The following KCNJ2 variants were observed in gnomAD, a reference collection of about 807,000 sequenced individuals.
KCNJ2 encodes inward rectifier potassium channel 2.
A neutral mutation model predicts 28.4 loss-of-function variants in KCNJ2; 12 were observed. The ratio of observed to expected loss-of-function variants is 0.42; its 90% CI spans 0.27 to 0.68. The LOEUF is 0.68. KCNJ2 is among the 30% of genes least tolerant of loss of function. The pLI is 0.23. For missense variants in KCNJ2, 320 were observed against 551.3 expected (o/e 0.58, Z 4.20); for synonymous variants, 200 against 203.2 (o/e 0.98, Z 0.13).
rs2074413706 is a variant in KCNJ2 at position 70,179,169 on chromosome 17, T to C, written c.*2846T>C. 1 of 164,722 alleles carries C rather than the reference T, an allele frequency of 6.1e-6. No homozygotes were observed. Among genetic ancestry groups the C allele is most frequent in the Admixed American group, 6.7e-5 (1 of 14,926 alleles). 10.2% of individuals were successfully genotyped at this position (164,722 alleles called of 1,614,324 possible). ...TTTACCTTCAAAATATTTGTCCTTA[T>C]TGACTGGGTCTCCTTAATTAATGTA... On this transcript the variant is annotated 3_prime_UTR_variant, in exon 2 of 2. Transcript: ENST00000243457.
rs149224363 is a variant in KCNJ2, at chr17:70,179,486, T to A, written c.*3163T>A. Reference sequence around the variant, plus strand: ...TAAGAGTATACTTGAATCAGACATTTTAAGGATGTCACTATGGCACTGTTG... The same window carrying A: ...TAAGAGTATACTTGAATCAGACATTATAAGGATGTCACTATGGCACTGTTG... On this transcript the variant is annotated 3_prime_UTR_variant, in exon 2 of 2. Transcript: ENST00000243457. 2.3e-3 allele frequency: 382 copies of A among 166,816 alleles called. 2 individuals are homozygous for A. The highest frequency in any genetic ancestry group is 3.4e-3 in the Non-Finnish European group (233 of 68,092). 10.3% of individuals were successfully genotyped at this position (166,816 alleles called of 1,614,324 possible).
Position 70,175,714 on chromosome 17 carries a change from T to C in KCNJ2, c.675T>C (p.Ala225=), listed in dbSNP as rs201850260. The change falls in exon 2 of 2, where the codon GCT becomes GCC. Residue 225 remains alanine (A), a synonymous_variant. Transcript: ENST00000243457. The surrounding 1 kb of genome is among the most constrained non-coding windows in gnomAD (Gnocchi z 8.3). ...TTCGGAAAAGCCACTTGGTGGAAGCTCATGTTCGAGCACAGCTCCTCAAAT... is the reference window on the plus strand; with the variant it reads ...TTCGGAAAAGCCACTTGGTGGAAGCCCATGTTCGAGCACAGCTCCTCAAAT... ...GNLRKSHLVE[A]HVRAQLLKSR... is the part of the protein sequence containing the mutation. 3 of 1,614,178 alleles carry C rather than the reference T, an allele frequency of 1.9e-6. No homozygotes were observed. Among genetic ancestry groups the C allele is most frequent in the Admixed American group, 3.3e-5 (2 of 60,024 alleles).
intron 1 of KCNJ2, among the ~76,000 whole-genome samples, chr17:70,171,531 T>A (rs1197530553): frequency 1.6e-5 from 2 of 127,714 alleles, no homozygotes; most frequent in Non-Finnish European, 3.0e-5. Flanking sequence ...CTCATTTGAT[T>A]TTTTTTTTTA....
Position 70,176,615 on chromosome 17 carries a change from T to G in KCNJ2, c.*292T>G. On this transcript the variant is annotated 3_prime_UTR_variant, in exon 2 of 2. Transcript: ENST00000243457. Reference sequence around the variant, plus strand: ...CTTGAACTTGCAGGCAAGCCTTGGTTGGGTATTTGATTTATCCAGAATGCT... The same window carrying G: ...CTTGAACTTGCAGGCAAGCCTTGGTGGGGTATTTGATTTATCCAGAATGCT... The G allele has an allele frequency of 2.1e-6, 1 of 474,092 alleles. No individual in the cohort carries two copies. Among genetic ancestry groups the G allele is most frequent in the Non-Finnish European group, 4.0e-6 (1 of 250,356 alleles). The allele number at this position is 474,092 out of a possible 1,614,324, so 29.4% of individuals were successfully genotyped here. A position where few individuals can be genotyped will look rare whatever the true frequency, so the allele number is the denominator to read the frequency against.
chr17:70,175,897 C>G lies in KCNJ2; in HGVS notation c.858C>G (p.Asp286Glu), dbSNP rs142750807. Residue 286 changes from aspartate to glutamate, a missense_variant, in exon 2 of 2, where the codon GAC becomes GAG. Around this residue, in one of 3 missense-constraint regions of KCNJ2, gnomAD observed 155 missense variants for 231.6 expected, o/e 0.67. Transcript: ENST00000243457. The surrounding 1 kb of genome is among the most constrained non-coding windows in gnomAD (Gnocchi z 8.3). ...DSPLYDLSKQ[D>E]IDNADFEIVV... Reference sequence around the variant, plus strand: ...CTTTATATGATTTGAGTAAACAGGACATTGACAACGCAGACTTTGAAATCG... The same window carrying G: ...CTTTATATGATTTGAGTAAACAGGAGATTGACAACGCAGACTTTGAAATCG... 6.2e-7 allele frequency: 1 copy of G among 1,614,116 alleles called. No homozygotes were observed. Among genetic ancestry groups the G allele is most frequent in the Non-Finnish European group, 8.5e-7 (1 of 1,180,038 alleles).
chr17:70,177,541 A>G lies in KCNJ2; in HGVS notation c.*1218A>G, dbSNP rs1429054675. 1 of 167,222 alleles carries G rather than the reference A, an allele frequency of 6.0e-6. No homozygotes were observed. Among genetic ancestry groups the G allele is most frequent in the Non-Finnish European group, 1.5e-5 (1 of 68,222 alleles). The allele number at this position is 167,222 out of a possible 1,614,324, so 10.4% of individuals were successfully genotyped here. Reference sequence around the variant, plus strand: ...AATTTATTGCCTGGACTGTCAGGACATCACCAGCCCACCTTCACCTTAGGG... The same window carrying G: ...AATTTATTGCCTGGACTGTCAGGACGTCACCAGCCCACCTTCACCTTAGGG... On this transcript the variant is annotated 3_prime_UTR_variant, in exon 2 of 2. Transcript: ENST00000243457.
At position 70,175,324 on chromosome 17, in the gene KCNJ2, A is replaced by C; in HGVS notation, c.285A>C (p.Ser95=). The change falls in exon 2 of 2, where the codon TCA becomes TCC. Residue 95 remains serine (S), a synonymous_variant. Coordinates refer to ENST00000243457, the MANE Select transcript of KCNJ2 (RefSeq NM_000891.3). This position sits in a 1 kb window ranked among gnomAD's most constrained non-coding sequence, Gnocchi z 8.3. ...LVIFCLAFVL[S]WLFFGCVFWL... is the part of the protein sequence containing the mutation. ...TCTTCTGCCTGGCTTTCGTCCTGTC[A>C]TGGCTGTTTTTTGGCTGTGTGTTTT... is the stretch of plus-strand genomic sequence containing the variant. The C allele has an allele frequency of 6.2e-7, 1 of 1,614,084 alleles. No homozygotes were observed. Among genetic ancestry groups the C allele is most frequent in the Non-Finnish European group, 8.5e-7 (1 of 1,180,012 alleles).
Position 70,175,723 on chromosome 17 carries a change from A to C in KCNJ2, c.684A>C (p.Arg228=), listed in dbSNP as rs758144475. ...GCCACTTGGTGGAAGCTCATGTTCG[A>C]GCACAGCTCCTCAAATCCAGAATTA... ...RKSHLVEAHV[R]AQLLKSRITS... The change falls in exon 2 of 2, where the codon CGA becomes CGC. Residue 228 remains arginine, a synonymous_variant. Transcript: ENST00000243457. The surrounding 1 kb of genome is among the most constrained non-coding windows in gnomAD (Gnocchi z 8.3). 4 of 1,614,236 alleles carry C rather than the reference A, an allele frequency of 2.5e-6. No individual in the cohort carries two copies. Among genetic ancestry groups the C allele is most frequent in the Non-Finnish European group, 3.4e-6 (4 of 1,180,046 alleles).
chr17:70,174,878 A>T lies in KCNJ2; in HGVS notation c.-162A>T, dbSNP rs7216358. 16 of 716,444 alleles carry T rather than the reference A, an allele frequency of 2.2e-5. No homozygotes were observed. Among genetic ancestry groups the T allele is most frequent in the African/African-American group, 1.9e-4 (11 of 57,448 alleles). The allele number at this position is 716,444 out of a possible 1,614,324, so 44.4% of individuals were successfully genotyped here. A position where few individuals can be genotyped will look rare whatever the true frequency, so the allele number is the denominator to read the frequency against. On this transcript the variant is annotated 5_prime_UTR_variant, in exon 2 of 2. Transcript: ENST00000243457. ...TTAAAGTAACTCTGCATGTCAGTAG[A>T]CAGACCTTGGTAGAACCACAAGGCT...
rs2074415254 is a variant in KCNJ2, at chr17:70,179,489, A to G, written c.*3166A>G. On this transcript the variant is annotated 3_prime_UTR_variant, in exon 2 of 2. Coordinates refer to ENST00000243457, the MANE Select transcript of KCNJ2 (RefSeq NM_000891.3). ...GAGTATACTTGAATCAGACATTTTA[A>G]GGATGTCACTATGGCACTGTTGTCA... 6.0e-6 allele frequency: 1 copy of G among 166,726 alleles called. No individual in the cohort carries two copies. Among genetic ancestry groups the G allele is most frequent in the African/African-American group, 2.4e-5 (1 of 41,452 alleles). 10.3% of individuals were successfully genotyped at this position (166,726 alleles called of 1,614,324 possible).
chr17:70,172,336 A>C (rs1015269370), intron 1 of KCNJ2, among the ~76,000 whole-genome samples: 1 of 136,784 alleles, frequency 7.3e-6, no homozygotes, highest in Non-Finnish European at 1.6e-5. Context: ...AAAAAAAAAA[A>C]AGCCCAAAAC....
chr17:70,176,638 G>A lies in KCNJ2; in HGVS notation c.*315G>A. On this transcript the variant is annotated 3_prime_UTR_variant, in exon 2 of 2. Coordinates refer to ENST00000243457, the MANE Select transcript of KCNJ2 (RefSeq NM_000891.3). ...GTTGGGTATTTGATTTATCCAGAAT[G>A]CTTCTCTTTAGGGAACAAGGATGTT... is the stretch of plus-strand genomic sequence containing the variant. 1 of 413,118 alleles carries A rather than the reference G, an allele frequency of 2.4e-6. No individual in the cohort carries two copies. Among genetic ancestry groups the A allele is most frequent in the East Asian group, 5.3e-5 (1 of 18,964 alleles). 25.6% of individuals were successfully genotyped at this position (413,118 alleles called of 1,614,324 possible).
Position 70,175,432 on chromosome 17 carries a change from T to C in KCNJ2, c.393T>C (p.Ala131=), listed in dbSNP as rs1005537943. 1 of 1,614,202 alleles carries C rather than the reference T, an allele frequency of 6.2e-7. No homozygotes were observed. The change falls in exon 2 of 2, where the codon GCT becomes GCC. Residue 131 remains alanine, a synonymous_variant. Transcript: ENST00000243457. This position sits in a 1 kb window ranked among gnomAD's most constrained non-coding sequence, Gnocchi z 8.3. The part of the protein sequence containing the change: ...ACVSEVNSFT[A]AFLFSIETQT... Reference sequence around the variant, plus strand: ...TGTCCGAGGTCAACAGCTTCACGGCTGCCTTCCTCTTCTCCATTGAGACCC... The same window carrying C: ...TGTCCGAGGTCAACAGCTTCACGGCCGCCTTCCTCTTCTCCATTGAGACCC...
Position 70,176,131 on chromosome 17 carries a change from G to T in KCNJ2, c.1092G>T (p.Lys364Asn), listed in dbSNP as rs755990211. ...PLCSARDLAEKKYILSNANSF... is the reference protein window; with the variant it reads ...PLCSARDLAENKYILSNANSF... ...GTAGTGCCAGAGACTTAGCAGAAAAGAAATATATCCTCTCAAATGCAAATT... is the reference window on the plus strand; with the variant it reads ...GTAGTGCCAGAGACTTAGCAGAAAATAAATATATCCTCTCAAATGCAAATT... Residue 364 changes from lysine to asparagine, a missense_variant, in exon 2 of 2, where the codon AAG (lysine) becomes AAT (asparagine). Physicochemically the swap from Lys to Asn is moderately conservative, Grantham distance 94 (BLOSUM62 0). This residue lies in a region of KCNJ2 where 155 missense variants were observed against 231.6 expected (regional missense o/e 0.67). Transcript: ENST00000243457. 3.7e-6 allele frequency: 6 copies of T among 1,613,900 alleles called. No homozygotes were observed. Among genetic ancestry groups the T allele is most frequent in the Admixed American group, 1.7e-5 (1 of 59,998 alleles).
chr17:70,170,194 A>C (rs2074357637), intron 1 of KCNJ2, among the ~76,000 whole-genome samples: 1 of 150,374 alleles, frequency 6.7e-6, no homozygotes, highest in African/African-American at 2.5e-5. Context: ...TGCTTCAAGT[A>C]TAGCTGTGAG....
In KCNJ2 at chr17:70,175,341, G is replaced by A; in HGVS notation, c.302G>A (p.Cys101Tyr). Residue 101 changes from cysteine (C) to tyrosine (Y), a missense_variant, in exon 2 of 2, where the codon TGT becomes TAT. Coordinates refer to ENST00000243457, the MANE Select transcript of KCNJ2 (RefSeq NM_000891.3). The surrounding 1 kb of genome is among the most constrained non-coding windows in gnomAD (Gnocchi z 8.3). ...AFVLSWLFFG[C>Y]VFWLIALLHG... Reference sequence around the variant, plus strand: ...GTCCTGTCATGGCTGTTTTTTGGCTGTGTGTTTTGGTTGATAGCTCTGCTC... The same window carrying A: ...GTCCTGTCATGGCTGTTTTTTGGCTATGTGTTTTGGTTGATAGCTCTGCTC... 3 of 1,614,212 alleles carry A rather than the reference G, an allele frequency of 1.9e-6. No individual in the cohort carries two copies. The highest frequency in any genetic ancestry group is 2.5e-6 in the Non-Finnish European group (3 of 1,180,042).
rs1386273951 is a variant in KCNJ2, at chr17:70,176,618, G to A, written c.*295G>A. 2.2e-6 allele frequency: 1 copy of A among 463,640 alleles called. No individual in the cohort carries two copies. The highest frequency in any genetic ancestry group is 2.0e-5 in the African/African-American group (1 of 50,558). 28.7% of individuals were successfully genotyped at this position (463,640 alleles called of 1,614,324 possible). ...GAACTTGCAGGCAAGCCTTGGTTGG[G>A]TATTTGATTTATCCAGAATGCTTCT... On this transcript the variant is annotated 3_prime_UTR_variant, in exon 2 of 2. Coordinates refer to ENST00000243457, the MANE Select transcript of KCNJ2 (RefSeq NM_000891.3).
chr17:70,170,610 A>T (rs1408025986), intron 1 of KCNJ2, among the ~76,000 whole-genome samples: 1 of 152,236 alleles, frequency 6.6e-6, no homozygotes, highest in Non-Finnish European at 1.5e-5. Flanking sequence ...AAAACCTCGG[A>T]TATGCAAAGA....
At position 70,178,059 on chromosome 17, in the gene KCNJ2, T is replaced by C. The variant is rs1344969255; in HGVS notation, c.*1736T>C. The C allele has an allele frequency of 1.2e-5, 2 of 161,340 alleles. No individual in the cohort carries two copies. Among genetic ancestry groups the C allele is most frequent in the Non-Finnish European group, 3.0e-5 (2 of 67,620 alleles). The allele number at this position is 161,340 out of a possible 1,614,324, so 10.0% of individuals were successfully genotyped here. A position where few individuals can be genotyped will look rare whatever the true frequency, so the allele number is the denominator to read the frequency against. ...TTTTTTTTTTTAATTTAAAGTTCCC[T>C]ATTTGTGAATTCTGGGATTACTGAC... On this transcript the variant is annotated 3_prime_UTR_variant, in exon 2 of 2. Coordinates refer to ENST00000243457, the MANE Select transcript of KCNJ2 (RefSeq NM_000891.3).
Sources: allele counts gnomAD v4.1 joint callset (sites outside exome capture counted in the v4.1 genomes callset), GRCh38; gene constraint gnomAD v4.1.1; regional missense constraint gnomAD v4.1.1; non-coding constraint Gnocchi (gnomAD v3.1); transcripts MANE v1.5; gene names NCBI Gene and HGNC (gene_info 2026-07-23, HGNC 2026-07-21).